ANTXR2: variants seen among roughly 807,000 people sequenced by gnomAD.
The protein encoded by ANTXR2 is anthrax toxin receptor 2.
A neutral mutation model predicts 73.7 loss-of-function variants in ANTXR2; 44 were observed. The ratio of observed to expected loss-of-function variants is 0.60; its 90% CI spans 0.47 to 0.77. The LOEUF is 0.77. Ranked by LOEUF, ANTXR2 falls within the 30% of genes least tolerant of loss-of-function variation. The pLI is 0.00. For missense variants in ANTXR2, 604 were observed against 592.5 expected (o/e 1.02, Z -0.20); for synonymous variants, 217 against 205.9 (o/e 1.05, Z -0.46).
chr4:80,046,498 C>T (rs1733519647), intron 7 of ANTXR2, among the ~76,000 whole-genome samples: 2 of 151,636 alleles, frequency 1.3e-5, no homozygotes, highest in African/African-American at 2.4e-5. Flanking sequence ...TAGACTATTT[C>T]AGAATTTGAA....
intron 8 of ANTXR2, 105 bp downstream of exon 8, chr4:80,035,867 A>C: frequency 2.1e-6 from 2 of 951,558 alleles, no homozygotes; most frequent in Non-Finnish European, 3.1e-6. Context: ...ATGCCAAAAA[A>C]GTTAATTTTG....
At chr4:80,047,000 C>T (rs1733542424) in intron 7 of ANTXR2, among the ~76,000 whole-genome samples, 1 of 151,710 alleles carries the variant, frequency 6.6e-6, no homozygotes, top group South Asian at 2.1e-4. Context: ...ATTAAATCTG[C>T]TTTTAAGAGC....
chr4:80,060,931 C>A (rs533983039), intron 3 of ANTXR2, among the ~76,000 whole-genome samples: 1 of 152,092 alleles, frequency 6.6e-6, no homozygotes, highest in South Asian at 2.1e-4. Flanking sequence ...GCCAGTTGAG[C>A]CACTGGAATG....
At chr4:80,062,739 G>T (rs1473996886) in intron 3 of ANTXR2, among the ~76,000 whole-genome samples, 1 of 152,200 alleles carries the variant, frequency 6.6e-6, no homozygotes, top group Non-Finnish European at 1.5e-5. Flanking sequence ...ATTGAAAACT[G>T]GAGAAGGAGA....
chr4:80,031,166 T>C (rs1732672156), intron 10 of ANTXR2, among the ~76,000 whole-genome samples: 1 of 151,970 alleles, frequency 6.6e-6, no homozygotes, highest in Non-Finnish European at 1.5e-5. Context: ...GTGCAAGGTG[T>C]GCCTTTTTTT....
chr4:79,933,702 T>TC (rs1728145149), intron 16 of ANTXR2, among the ~76,000 whole-genome samples: 2 of 53,686 alleles, frequency 3.7e-5, no homozygotes, highest in South Asian at 1.0e-3. Flanking sequence ...CCCTCCACCC[T>TC]CCCCCCACCC....
intron 12 of ANTXR2, among the ~76,000 whole-genome samples, chr4:80,007,113 G>A (rs72655005): frequency 1.1e-3 from 171 of 152,078 alleles, no homozygotes; most frequent in Non-Finnish European, 2.0e-3. Flanking sequence ...CTCCTCCATG[G>A]GCCAACTGCT....
chr4:80,012,744 A>G (rs1019914051), intron 11 of ANTXR2, among the ~76,000 whole-genome samples: 1 of 152,174 alleles, frequency 6.6e-6, no homozygotes, highest in African/African-American at 2.4e-5. Context: ...GGCTTCAAGT[A>G]TCCCTTTTGC....
intron 10 of ANTXR2, chr4:80,024,602 TG>T: frequency 2.7e-6 from 1 of 374,620 alleles, no homozygotes; most frequent in South Asian, 2.0e-5. Context: ...CTATACAAAA[TG>T]TACAGAAAAT....
At chr4:79,928,827 T>C (rs148418641) in intron 16 of ANTXR2, among the ~76,000 whole-genome samples, 277 of 152,308 alleles carry the variant, frequency 1.8e-3, no homozygotes, top group African/African-American at 6.2e-3. Flanking sequence ...TTAGGGCATG[T>C]ACAAAGAAAT....
chr4:79,990,555 G>T (rs916841711), intron 12 of ANTXR2, among the ~76,000 whole-genome samples: 1 of 151,986 alleles, frequency 6.6e-6, no homozygotes, highest in Non-Finnish European at 1.5e-5. Context: ...TAGCCATATT[G>T]CCCAAAGCAA....
intron 3 of ANTXR2, among the ~76,000 whole-genome samples, chr4:80,058,411 T>C (rs573412870): frequency 2.0e-5 from 3 of 152,154 alleles, no homozygotes; most frequent in East Asian, 3.9e-4. Flanking sequence ...TCCTTTTCCA[T>C]AGCCAAGAAA....
intron 7 of ANTXR2, among the ~76,000 whole-genome samples, chr4:80,044,706 C>G (rs934805297): frequency 1.3e-5 from 2 of 151,598 alleles, no homozygotes; most frequent in Non-Finnish European, 2.9e-5. Flanking sequence ...TATTTTTTTT[C>G]TAATTTCTAA....
intron 12 of ANTXR2, among the ~76,000 whole-genome samples, chr4:79,993,587 T>C (rs1730574888): frequency 1.3e-5 from 2 of 151,988 alleles, no homozygotes. Context: ...TATGTTTGAA[T>C]TACTGCAATC....
intron 16 of ANTXR2, 141 bp downstream of exon 16, chr4:79,977,480 T>C: frequency 6.9e-7 from 1 of 1,445,146 alleles, no homozygotes; most frequent in Non-Finnish European, 9.1e-7. Flanking sequence ...GACAATTCTA[T>C]GTAATAGAAA....
At chr4:80,047,198 AT>A (rs1188788696) in intron 7 of ANTXR2, among the ~76,000 whole-genome samples, 1 of 151,440 alleles carries the variant, frequency 6.6e-6, no homozygotes, top group Non-Finnish European at 1.5e-5. Context: ...TCCCAACCAA[AT>A]TTTTTTTAAA....
chr4:79,953,175 A>G (rs1728769306), intron 16 of ANTXR2, among the ~76,000 whole-genome samples: 1 of 152,168 alleles, frequency 6.6e-6, no homozygotes, highest in African/African-American at 2.4e-5. Flanking sequence ...TTTCTCATCA[A>G]AAAAATAGCT....
At chr4:80,071,495 G>A in intron 2 of ANTXR2, 88 bp downstream of exon 2, 1 of 1,141,768 alleles carries the variant, frequency 8.8e-7, no homozygotes, top group Non-Finnish European at 1.3e-6. Context: ...TTCAGGAAAA[G>A]TTTTTCCTAT....
intron 16 of ANTXR2, among the ~76,000 whole-genome samples, chr4:79,946,781 T>C (rs1728532753): frequency 6.6e-6 from 1 of 152,132 alleles, no homozygotes; most frequent in South Asian, 2.1e-4. Context: ...ATTCTCCCTG[T>C]TTTTGTTTTT....
Sources: gnomAD v4.1 joint callset for allele counts (sites outside exome capture counted in the v4.1 genomes callset) on GRCh38, gnomAD v4.1.1 for gene constraint, MANE v1.5 for transcripts, NCBI Gene and HGNC (gene_info 2026-07-23, HGNC 2026-07-21) for gene names.